ERC1: variants seen among roughly 807,000 people sequenced by gnomAD.
ERC1 encodes ELKS/RAB6-interacting/CAST family member 1, also known as RAB6 interacting protein 2.
In ERC1, 56 loss-of-function variants were observed where a neutral mutation model predicts 132.0. The observed-to-expected ratio is 0.42, with a 90% CI of 0.34 to 0.53. ERC1 has a LOEUF of 0.53. Among genes scored for constraint, ERC1 ranks in the 20% least tolerant of loss-of-function variants. The pLI is 0.03. For synonymous variants in ERC1, 478 were observed against 476.1 expected, an observed-to-expected ratio of 1.00 and a Z score of -0.05; for missense variants, 1,202 against 1,349.9, an observed-to-expected ratio of 0.89 and a Z score of 1.72.
At chr12:1,245,787 C>T (rs527534117) in intron 13 of ERC1, among the ~76,000 whole-genome samples, 10 of 152,266 alleles carry the variant, frequency 6.6e-5, no homozygotes, top group South Asian at 2.1e-4. Context: ...CTCTTCCTTA[C>T]GATGTCATGG....
At chr12:1,424,848 A>AGATAGATAGATC (rs2092571014) in intron 17 of ERC1, among the ~76,000 whole-genome samples, 1 of 109,674 alleles carries the variant, frequency 9.1e-6, no homozygotes, top group Non-Finnish European at 1.9e-5. Flanking sequence ...GATAGATGAT[A>AGATAGATAGATC]GATAGATAGA....
chr12:1,198,895 T>C (rs56873290), intron 12 of ERC1, among the ~76,000 whole-genome samples: 1,847 of 147,268 alleles, frequency 0.013, 64 homozygotes, highest in African/African-American at 0.045. Flanking sequence ...ACCGTCATGA[T>C]CCAGTCACTT....
intron 15 of ERC1, among the ~76,000 whole-genome samples, chr12:1,330,100 G>T (rs549429767): frequency 6.8e-4 from 103 of 152,322 alleles, no homozygotes; most frequent in Non-Finnish European, 1.2e-3. Flanking sequence ...TAACTAGGAA[G>T]TACAAGTTCA....
At chr12:1,439,593 A>G (rs546727012) in intron 17 of ERC1, among the ~76,000 whole-genome samples, 19 of 152,332 alleles carry the variant, frequency 1.2e-4, no homozygotes, top group Admixed American at 9.2e-4. Flanking sequence ...TATTTGGTAC[A>G]AGCAAATATC....
At chr12:1,044,384 T>G (rs1278745806) in intron 2 of ERC1, among the ~76,000 whole-genome samples, 1 of 152,210 alleles carries the variant, frequency 6.6e-6, no homozygotes, top group East Asian at 1.9e-4. Flanking sequence ...GTTGAGTGCT[T>G]CTGGGAAGGA....
intron 15 of ERC1, among the ~76,000 whole-genome samples, chr12:1,343,691 T>C (rs1010602891): frequency 2.0e-5 from 3 of 152,176 alleles, no homozygotes; most frequent in Non-Finnish European, 4.4e-5. Context: ...TCTTAGATGC[T>C]TTTTCATTCT....
At position 1,112,260 on chromosome 12, in the gene ERC1, G is replaced by A; in HGVS notation, c.1363G>A (p.Glu455Lys). 1 of 1,613,502 alleles carries A rather than the reference G, an allele frequency of 6.2e-7. No homozygotes were observed. The highest frequency in any genetic ancestry group is 1.1e-5 in the South Asian group (1 of 91,066). ...ACTAAGTTCGAAAGAGGCTCAATGGGAGGAGCTGAAAAAGAAAGCGGCTGG... is the reference window on the plus strand; with the variant it reads ...ACTAAGTTCGAAAGAGGCTCAATGGAAGGAGCTGAAAAAGAAAGCGGCTGG... ...EELSSKEAQW[E>K]ELKKKAAGLQ... The change falls in exon 6 of 19, where the codon GAG becomes AAG. Residue 455 changes from glutamate to lysine, a missense_variant. Glu to Lys is a moderately conservative substitution (Grantham distance 56, BLOSUM62 1). Coordinates refer to ENST00000360905, the MANE Select transcript of ERC1 (RefSeq NM_178040.4).
intron 2 of ERC1, 94 bp from the exon 3 acceptor site, chr12:1,083,070 T>A: frequency 9.5e-7 from 1 of 1,050,654 alleles, no homozygotes; most frequent in South Asian, 1.6e-5. Flanking sequence ...AGATGCAGAT[T>A]TCTTGTAGCT....
intron 1 of ERC1, among the ~76,000 whole-genome samples, chr12:1,005,234 C>T (rs376165767): frequency 6.6e-6 from 1 of 151,982 alleles, no homozygotes; most frequent in Non-Finnish European, 1.5e-5. Flanking sequence ...TTACTACAGC[C>T]TCGACCTCCC....
intron 4 of ERC1, among the ~76,000 whole-genome samples, chr12:1,107,629 G>A (rs1352692918): frequency 1.3e-5 from 2 of 152,102 alleles, no homozygotes; most frequent in Non-Finnish European, 2.9e-5. Flanking sequence ...TGCAATCCTC[G>A]GATTATGGCA....
intron 2 of ERC1, among the ~76,000 whole-genome samples, chr12:1,071,033 T>C (rs1940247159): frequency 6.6e-6 from 1 of 152,254 alleles, no homozygotes; most frequent in South Asian, 2.1e-4. Context: ...TATCCATAGT[T>C]ATCCTTTTAT....
chr12:1,261,371 T>G (rs999125289), intron 13 of ERC1, among the ~76,000 whole-genome samples: 3 of 152,238 alleles, frequency 2.0e-5, no homozygotes, highest in Non-Finnish European at 4.4e-5. Context: ...TCTTTATGCT[T>G]CTTTATACTT....
intron 2 of ERC1, among the ~76,000 whole-genome samples, chr12:1,056,577 C>T (rs1479105472): frequency 6.6e-6 from 1 of 152,122 alleles, no homozygotes; most frequent in African/African-American, 2.4e-5. Flanking sequence ...CTGGTTAGGG[C>T]TAGGTGTTCC....
At chr12:1,424,855 TAGATAGATC>T (rs2092573950) in intron 17 of ERC1, among the ~76,000 whole-genome samples, 31 of 124,652 alleles carry the variant, frequency 2.5e-4, no homozygotes, top group African/African-American at 6.6e-4. Flanking sequence ...GATAGATAGA[TAGATAGATC>T]GATAGATAGA....
intron 2 of ERC1, among the ~76,000 whole-genome samples, chr12:1,054,627 G>A (rs1385376322): frequency 6.6e-6 from 1 of 152,022 alleles, no homozygotes; most frequent in African/African-American, 2.4e-5. Context: ...GTATCTGTAT[G>A]GTTTCCCAAT....
rs575115715 is a variant in ERC1 at position 1,323,259 on chromosome 12, A to G, written c.2780+33247A>G. ...AGTATGGTGCTTGCTGGTAATGGGG[A>G]AAAAAAAAGGCTACAACCAAAAGTA... On this transcript the variant is annotated intron_variant, in intron 15 of 18. Transcript: ENST00000360905. Among the ~76,000 whole-genome samples the G allele has an allele frequency of 9.7e-4, 128 of 131,904 alleles. 1 individual carries two copies. Among genetic ancestry groups the G allele is most frequent in the African/African-American group, 1.7e-3 (59 of 34,406 alleles). 86.5% of individuals were successfully genotyped at this position (131,904 alleles called of 152,430 possible).
chr12:1,399,936 G>T (rs1429594398), intron 16 of ERC1, among the ~76,000 whole-genome samples: 1 of 152,176 alleles, frequency 6.6e-6, no homozygotes, highest in Admixed American at 6.5e-5. Flanking sequence ...TATGGTAATT[G>T]TATGTTTGCC....
At chr12:1,408,925 A>G (rs1019852889) in intron 17 of ERC1, among the ~76,000 whole-genome samples, 1 of 152,314 alleles carries the variant, frequency 6.6e-6, no homozygotes, top group East Asian at 1.9e-4. Flanking sequence ...CTCATATCCC[A>G]TTACCAAAAA....
chr12:1,187,738 A>G (rs182242685), intron 11 of ERC1, among the ~76,000 whole-genome samples: 36 of 152,272 alleles, frequency 2.4e-4, no homozygotes, highest in Non-Finnish European at 4.4e-4. Flanking sequence ...CATTTTTTCT[A>G]CAAATAATTG....
Sources: allele counts gnomAD v4.1 joint callset (sites outside exome capture counted in the v4.1 genomes callset), GRCh38; gene constraint gnomAD v4.1.1; transcripts MANE v1.5; gene names NCBI Gene and HGNC (gene_info 2026-07-23, HGNC 2026-07-21).